The following UBE2W variants were observed in gnomAD, a reference collection of about 807,000 sequenced individuals.
UBE2W encodes ubiquitin-conjugating enzyme E2 W.
UBE2W carries 18 observed loss-of-function variants against 27.2 expected under a neutral mutation model. That is an observed-to-expected ratio of 0.66 (90% CI 0.46 to 0.98). UBE2W has a LOEUF of 0.98. UBE2W is among the 50% of genes least tolerant of loss of function. The probability of loss-of-function intolerance (pLI) is 0.00; values close to 1 mark genes in which losing one functional copy is unlikely to be tolerated. For synonymous variants in UBE2W, 53 were observed against 57.2 expected, an observed-to-expected ratio of 0.93 and a Z score of 0.33; for missense variants, 90 against 180.2, an observed-to-expected ratio of 0.50 and a Z score of 2.87.
In UBE2W at chr8:73,830,489, A is replaced by C. The variant is rs1810026404; in HGVS notation, c.16-17T>G. ...TAGTCGTTTCTAGAAAAGAACATCA[A>C]TAATAATTTGTCCTTTTTGAGACTA... On this transcript the variant is annotated splice_polypyrimidine_tract_variant and intron_variant, in intron 1 of 5. Coordinates refer to ENST00000602593, the MANE Select transcript of UBE2W (RefSeq NM_018299.6). 6.2e-7 allele frequency: 1 copy of C among 1,607,206 alleles called. No homozygotes were observed. The highest frequency in any genetic ancestry group is 1.7e-4 in the Middle Eastern group (1 of 6,036).
chr8:73,830,160 G>C (rs570362593), intron 2 of UBE2W, among the ~76,000 whole-genome samples: 8 of 150,798 alleles, frequency 5.3e-5, no homozygotes, highest in African/African-American at 1.9e-4. Context: ...ATGTACCAAA[G>C]ATAGTTTAAA....
chr8:73,808,064 G>C (rs1039161347), intron 4 of UBE2W, among the ~76,000 whole-genome samples: 60 of 152,118 alleles, frequency 3.9e-4, no homozygotes, highest in Admixed American at 3.9e-3. Flanking sequence ...ACTCCTGACT[G>C]TGTAAAAGGA....
At chr8:73,785,030 CCA>C (rs1807910723), downstream of UBE2W, among the ~76,000 whole-genome samples, 1 of 152,152 alleles carries the variant, frequency 6.6e-6, no homozygotes, top group Non-Finnish European at 1.5e-5. Flanking sequence ...TGAACCAGTC[CCA>C]CAGTCCTTTG....
chr8:73,878,379 T>A (rs1812328884), intron 1 of UBE2W, among the ~76,000 whole-genome samples: 1 of 152,026 alleles, frequency 6.6e-6, no homozygotes, highest in Non-Finnish European at 1.5e-5. Context: ...TCCCGCACAC[T>A]CAGCCCCCCG....
At position 73,856,259 on chromosome 8, in the gene UBE2W, C is replaced by T. The variant is rs576090659; in HGVS notation, c.15+22549G>A. ...AAATAGATTACCATTTTCAATTTAACATTGTAGGAAACGCTACTCAGTGTA... is the reference window on the plus strand; with the variant it reads ...AAATAGATTACCATTTTCAATTTAATATTGTAGGAAACGCTACTCAGTGTA... On this transcript the variant is annotated intron_variant, in intron 1 of 5. Coordinates refer to ENST00000602593, the MANE Select transcript of UBE2W (RefSeq NM_018299.6). Among the ~76,000 whole-genome samples, 4 of 151,632 alleles carry T rather than the reference C, an allele frequency of 2.6e-5. No homozygotes were observed. In the South Asian group the frequency reaches 8.3e-4, roughly 32 times the overall value.
At chr8:73,861,895 T>TA (rs1480837319) in intron 1 of UBE2W, among the ~76,000 whole-genome samples, 1 of 152,238 alleles carries the variant, frequency 6.6e-6, no homozygotes, top group Non-Finnish European at 1.5e-5. Flanking sequence ...AGTGCTCAGA[T>TA]ATGTACAGGA....
intron 1 of UBE2W, among the ~76,000 whole-genome samples, chr8:73,875,865 C>A (rs1186906581): frequency 6.6e-6 from 1 of 152,018 alleles, no homozygotes; most frequent in Non-Finnish European, 1.5e-5. Context: ...GCCTGGCCAA[C>A]ATGGCAAAAC....
intron 1 of UBE2W, among the ~76,000 whole-genome samples, chr8:73,837,791 CA>C (rs1435844424): frequency 3.3e-5 from 5 of 152,194 alleles, no homozygotes; most frequent in African/African-American, 1.2e-4. Context: ...ACACCTACCC[CA>C]AAACACATGA....
chr8:73,805,003 G>A (rs1261847887), intron 5 of UBE2W, among the ~76,000 whole-genome samples: 7 of 152,080 alleles, frequency 4.6e-5, no homozygotes, highest in South Asian at 2.1e-4. Flanking sequence ...GATTACAGGC[G>A]TAGGCCACCA....
At chr8:73,843,170 G>A (rs1300504843) in intron 1 of UBE2W, among the ~76,000 whole-genome samples, 1 of 152,152 alleles carries the variant, frequency 6.6e-6, no homozygotes, top group Non-Finnish European at 1.5e-5. Flanking sequence ...CCAGGGGCTG[G>A]GGAAAGGAGA....
rs67427702 is a variant in UBE2W, at chr8:73,822,602, C to CAAAAAAAAAAAAAAAAAAAAAAAA, written c.210+2521_210+2544dup. Among the ~76,000 whole-genome samples, 3 of 51,218 alleles carry CAAAAAAAAAAAAAAAAAAAAAAAA rather than the reference C, an allele frequency of 5.9e-5. 1 individual carries two copies. The highest frequency in any genetic ancestry group is 1.1e-4 in the Non-Finnish European group (3 of 27,644). The allele number at this position is 51,218 out of a possible 152,430, so 33.6% of individuals were successfully genotyped here. A position where few individuals can be genotyped will look rare whatever the true frequency, so the allele number is the denominator to read the frequency against. ...TTCACTCTATTAAATCTTGCAACTG[C>CAAAAAAAAAAAAAAAAAAAAAAAA]AAAAAAAAAAAAAAAAAAAAAAAAA... On this transcript the variant is annotated intron_variant, in intron 3 of 5. Coordinates refer to ENST00000602593, the MANE Select transcript of UBE2W (RefSeq NM_018299.6).
chr8:73,860,359 A>C (rs778224677), intron 1 of UBE2W, among the ~76,000 whole-genome samples: 5 of 152,200 alleles, frequency 3.3e-5, no homozygotes, highest in Admixed American at 1.3e-4. Flanking sequence ...GGAATCAGAG[A>C]TAAGGCAAGA....
intron 1 of UBE2W, among the ~76,000 whole-genome samples, chr8:73,873,227 A>G (rs571477884): frequency 2.0e-5 from 3 of 152,102 alleles, no homozygotes; most frequent in Non-Finnish European, 4.4e-5. Context: ...ACTTTTAATT[A>G]TGTTGTAACC....
chr8:73,805,472 C>CAAAA lies in UBE2W; in HGVS notation c.442+175_442+178dup. ...TCCATCTCAAAAAAAAAAAAAAAAACAAAAAAAACTAGGGTAATTCATCCA... is the reference window on the plus strand; with the variant it reads ...TCCATCTCAAAAAAAAAAAAAAAAACAAAAAAAAAAAACTAGGGTAATTCATCCA... On this transcript the variant is annotated intron_variant, in intron 5 of 5. Coordinates refer to ENST00000602593, the MANE Select transcript of UBE2W (RefSeq NM_018299.6). Among the ~76,000 whole-genome samples, 25 of 43,696 alleles carry CAAAA rather than the reference C, an allele frequency of 5.7e-4. 3 individuals are homozygous for CAAAA. Among genetic ancestry groups the CAAAA allele is most frequent in the South Asian group, 3.7e-3 (4 of 1,074 alleles). 28.7% of individuals were successfully genotyped at this position (43,696 alleles called of 152,430 possible).
chr8:73,866,426 C>A (rs1811777226), intron 1 of UBE2W, among the ~76,000 whole-genome samples: 1 of 149,774 alleles, frequency 6.7e-6, no homozygotes, highest in Admixed American at 6.7e-5. Context: ...AACCTGAATC[C>A]AACTTGATAC....
intron 1 of UBE2W, among the ~76,000 whole-genome samples, chr8:73,849,644 G>C (rs2130946357): frequency 6.8e-6 from 1 of 147,030 alleles, no homozygotes; most frequent in Non-Finnish European, 1.5e-5. Flanking sequence ...AGGAAGAAAA[G>C]ACAAATGAAA....
At chr8:73,865,180 CAAA>C (rs11354153) in intron 1 of UBE2W, among the ~76,000 whole-genome samples, 215 of 32,826 alleles carry the variant, frequency 6.5e-3, no homozygotes, top group Middle Eastern at 0.024. Context: ...GTGCAAACGT[CAAA>C]AAAAAAAAAA....
Position 73,792,384 on chromosome 8 carries a change from T to C in UBE2W, c.*1718A>G, listed in dbSNP as rs1808241512. The stretch of plus-strand genomic sequence containing the variant: ...TCAAGTTATTTCTATAGCAGACATA[T>C]TTTTGAAGTCTACCCACCCCTGAGT... On this transcript the variant is annotated 3_prime_UTR_variant, in exon 6 of 6. Coordinates refer to ENST00000602593, the MANE Select transcript of UBE2W (RefSeq NM_018299.6). 1 of 985,586 alleles carries C rather than the reference T, an allele frequency of 1.0e-6. No homozygotes were observed. The highest frequency in any genetic ancestry group is 4.7e-5 in the South Asian group (1 of 21,294). 61.1% of individuals were successfully genotyped at this position (985,586 alleles called of 1,614,324 possible). A position where few individuals can be genotyped will look rare whatever the true frequency, so the allele number is the denominator to read the frequency against.
chr8:73,839,527 C>T (rs1412617751), intron 1 of UBE2W, among the ~76,000 whole-genome samples: 2 of 151,550 alleles, frequency 1.3e-5, no homozygotes, highest in Admixed American at 6.6e-5. Context: ...CATGGTGGCA[C>T]ATGCCTGTAA....
Sources: allele counts gnomAD v4.1 joint callset (sites outside exome capture counted in the v4.1 genomes callset), GRCh38; gene constraint gnomAD v4.1.1; transcripts MANE v1.5; gene names NCBI Gene and HGNC (gene_info 2026-07-23, HGNC 2026-07-21).